RBFOX1: variants seen among roughly 807,000 people sequenced by gnomAD.
The protein encoded by RBFOX1 is RNA binding protein fox-1 homolog 1.
RBFOX1 carries 8 observed loss-of-function variants against 57.7 expected under a neutral mutation model. The observed-to-expected ratio is 0.14, with a 90% CI of 0.08 to 0.25. The LOEUF (loss-of-function observed/expected upper bound fraction) is 0.25. RBFOX1 is among the 10% of genes least tolerant of loss of function. RBFOX1 has a pLI of 1.00. For missense variants in RBFOX1, 611 were observed against 548.5 expected (o/e 1.11, Z -1.14); for synonymous variants, 326 against 222.4 (o/e 1.47, Z -4.15).
chr16:6,382,718 G>A (rs564125203), intron 2 of RBFOX1, among the ~76,000 whole-genome samples: 2 of 152,158 alleles, frequency 1.3e-5, no homozygotes, highest in African/African-American at 4.8e-5. Flanking sequence ...AAATCAGCCA[G>A]ATGTGGTGGC....
intron 6 of RBFOX1, among the ~76,000 whole-genome samples, chr16:7,586,702 G>A (rs1174930968): frequency 6.6e-6 from 1 of 152,188 alleles, no homozygotes; most frequent in Non-Finnish European, 1.5e-5. Flanking sequence ...TTCAGCCCAA[G>A]CACTGATCAC....
At chr16:6,972,845 C>T (rs578254465) in intron 3 of RBFOX1, among the ~76,000 whole-genome samples, 2 of 152,058 alleles carry the variant, frequency 1.3e-5, no homozygotes, top group African/African-American at 2.4e-5. Flanking sequence ...GACAAGGGGC[C>T]GGATGCAGTG....
intron 2 of RBFOX1, among the ~76,000 whole-genome samples, chr16:6,525,731 G>C (rs7202241): frequency 6.6e-6 from 1 of 151,644 alleles, no homozygotes; most frequent in East Asian, 2.0e-4. Context: ...GTGGAAAGGA[G>C]GGAAGGGCTG....
intron 2 of RBFOX1, among the ~76,000 whole-genome samples, chr16:5,588,393 T>C (rs17138145): frequency 0.012 from 1,777 of 152,352 alleles, 17 homozygotes; most frequent in African/African-American, 0.024. Flanking sequence ...CTGAGAATTG[T>C]GGCACAGAGG....
chr16:6,641,393 G>T (rs572469795), intron 2 of RBFOX1, among the ~76,000 whole-genome samples: 1 of 152,102 alleles, frequency 6.6e-6, no homozygotes, highest in Non-Finnish European at 1.5e-5. Context: ...AGGGAGCATT[G>T]CTGTTTTGTT....
At chr16:6,162,762 C>G (rs968869843) in intron 1 of RBFOX1, among the ~76,000 whole-genome samples, 3 of 152,138 alleles carry the variant, frequency 2.0e-5, no homozygotes, top group Admixed American at 2.0e-4. Flanking sequence ...GAGATGGAGT[C>G]TTGCTCTGTC....
chr16:7,657,272 C>T (rs954654855), intron 12 of RBFOX1, among the ~76,000 whole-genome samples: 5 of 152,128 alleles, frequency 3.3e-5, no homozygotes, highest in African/African-American at 4.8e-5. Flanking sequence ...CCAGTAGAGT[C>T]CCTAAGGATG....
intron 2 of RBFOX1, among the ~76,000 whole-genome samples, chr16:6,559,258 A>T (rs2097072575): frequency 6.6e-6 from 1 of 152,070 alleles, no homozygotes; most frequent in South Asian, 2.1e-4. Context: ...AAAAGTGTCT[A>T]ATTAGACAAA....
chr16:7,077,110 C>T (rs148189506), intron 4 of RBFOX1, among the ~76,000 whole-genome samples: 1 of 152,256 alleles, frequency 6.6e-6, no homozygotes, highest in African/African-American at 2.4e-5. Flanking sequence ...TAATTTTCTG[C>T]CCAGAAATCT....
At chr16:5,501,303 A>T (rs1376654673) in intron 2 of RBFOX1, among the ~76,000 whole-genome samples, 27 of 141,326 alleles carry the variant, frequency 1.9e-4, no homozygotes, top group African/African-American at 7.6e-4. Context: ...GGATGACAAA[A>T]CGAGACTCTG....
Position 6,931,433 on chromosome 16 carries a change from C to T in RBFOX1, c.-15-120624C>T, listed in dbSNP as rs116837417. On this transcript the variant is annotated intron_variant, in intron 3 of 15. Coordinates refer to ENST00000550418, the MANE Select transcript of RBFOX1 (RefSeq NM_018723.4). ...CATGAACCACTAAAGGCATAATAAACGTCTGCTGCCTTGGACCAGCATCTC... is the reference window on the plus strand; with the variant it reads ...CATGAACCACTAAAGGCATAATAAATGTCTGCTGCCTTGGACCAGCATCTC... 6.7e-3 allele frequency among the ~76,000 whole-genome samples: 1,020 copies of T among 151,908 alleles called. 17 individuals carry two copies. The highest frequency in any genetic ancestry group is 0.021 in the African/African-American group (887 of 41,402).
At chr16:6,998,889 G>A (rs1383009637) in intron 3 of RBFOX1, among the ~76,000 whole-genome samples, 4 of 151,208 alleles carry the variant, frequency 2.6e-5, no homozygotes, top group Admixed American at 6.6e-5. Context: ...ATTATTTTGC[G>A]ACTGAGTTTC....
At chr16:5,983,667 A>T (rs149285894) in intron 4 of RBFOX1, among the ~76,000 whole-genome samples, 100 of 152,086 alleles carry the variant, frequency 6.6e-4, no homozygotes, top group Non-Finnish European at 1.2e-3. Context: ...CTGTAACTCA[A>T]CCTCCATCCT....
chr16:6,660,427 G>T (rs2098693888), intron 3 of RBFOX1, among the ~76,000 whole-genome samples: 1 of 152,030 alleles, frequency 6.6e-6, no homozygotes, highest in Non-Finnish European at 1.5e-5. Flanking sequence ...TTCTTGCATA[G>T]GTAATGGTTA....
At chr16:7,417,530 G>GTGTGTGTGGT (rs2098494284) in intron 4 of RBFOX1, among the ~76,000 whole-genome samples, 1 of 133,534 alleles carries the variant, frequency 7.5e-6, no homozygotes, top group Non-Finnish European at 1.6e-5. Flanking sequence ...ACATGGTATT[G>GTGTGTGTGGT]TGTGTGTGTG....
intron 3 of RBFOX1, among the ~76,000 whole-genome samples, chr16:6,711,202 G>A (rs2063650965): frequency 6.6e-6 from 1 of 152,158 alleles, no homozygotes; most frequent in South Asian, 2.1e-4. Context: ...ATCCTGAGCA[G>A]GTTCTGTCTT....
chr16:6,569,914 C>G (rs17140619), intron 2 of RBFOX1, among the ~76,000 whole-genome samples: 2,245 of 152,316 alleles, frequency 0.015, 69 homozygotes, highest in African/African-American at 0.051. Flanking sequence ...GCTATAAGTA[C>G]TGTACAATTC....
rs5815266 is a variant in RBFOX1, at chr16:5,756,223, C to CAAAAAAAAA, written c.319-111063_319-111055dup. Among the ~76,000 whole-genome samples, 54 of 50,784 alleles carry CAAAAAAAAA rather than the reference C, an allele frequency of 1.1e-3. 1 individual carries two copies. The highest frequency in any genetic ancestry group is 0.019 in the Middle Eastern group (1 of 52). 33.3% of individuals were successfully genotyped at this position (50,784 alleles called of 152,430 possible). A position where few individuals can be genotyped will look rare whatever the true frequency, so the allele number is the denominator to read the frequency against. Reference sequence around the variant, plus strand: ...CCCCTTCTTACATCTTCCACATAAGCAAAAAAAAAAAAAAAAAAAAAAAAA... The same window carrying CAAAAAAAAA: ...CCCCTTCTTACATCTTCCACATAAGCAAAAAAAAAAAAAAAAAAAAAAAAAAAAAAAAAA... On this transcript the variant is annotated intron_variant, in intron 3 of 19. Transcript: ENST00000641259.
intron 4 of RBFOX1, among the ~76,000 whole-genome samples, chr16:7,464,781 C>A (rs2060205361): frequency 2.0e-5 from 3 of 148,828 alleles, no homozygotes; most frequent in African/African-American, 7.5e-5. Flanking sequence ...ACTTCAAGCT[C>A]CGCCTCCCAG....
Sources: gnomAD v4.1 joint callset for allele counts (sites outside exome capture counted in the v4.1 genomes callset) on GRCh38, gnomAD v4.1.1 for gene constraint, MANE v1.5 for transcripts, NCBI Gene and HGNC (gene_info 2026-07-23, HGNC 2026-07-21) for gene names.